The following NDOR1 variants were observed in gnomAD, a reference collection of about 807,000 sequenced individuals.
The protein encoded by NDOR1 is NADPH-dependent diflavin oxidoreductase 1.
A neutral mutation model predicts 67.2 loss-of-function variants in NDOR1; 61 were observed. The ratio of observed to expected loss-of-function variants is 0.91; its 90% CI spans 0.74 to 1.12. The LOEUF is 1.12. NDOR1 is among the 50% of genes most tolerant of loss of function. NDOR1 has a pLI of 0.00. For missense variants in NDOR1, 878 were observed against 802.8 expected (o/e 1.09, Z -1.13); for synonymous variants, 378 against 343.7 (o/e 1.10, Z -1.10).
At chr9:137,210,159 A>G (rs1225613262) in intron 2 of NDOR1, among the ~76,000 whole-genome samples, 1 of 152,230 alleles carries the variant, frequency 6.6e-6, no homozygotes, top group East Asian at 1.9e-4. Context: ...GCAGCCAAGG[A>G]TGTTACCCCC....
Position 137,215,685 on chromosome 9 carries a change from C to A in NDOR1, c.1315C>A (p.Arg439=). 6.3e-7 allele frequency: 1 copy of A among 1,576,950 alleles called. No individual in the cohort carries two copies. Among genetic ancestry groups the A allele is most frequent in the African/African-American group, 1.4e-5 (1 of 73,890 alleles). The stretch of plus-strand genomic sequence containing the variant: ...ACCTGTCCGGGTGCCCCTCTGGGTG[C>A]GGCCTGGGAGTCTGGCCTTCCCAGA... ...QGPVRVPLWV[R]PGSLAFPETP... Residue 439 remains arginine, a synonymous_variant, in exon 11 of 14, where the codon CGG becomes AGG. Transcript: ENST00000684003.
rs546115869 is a variant in NDOR1 at position 137,210,527 on chromosome 9, TG to T, written c.214-1973del. ...ACCTGGCCAGAAATAGTTCTTTAAA[TG>T]GACATGAAAAAACTTTAAAAGATTA... On this transcript the variant is annotated intron_variant, in intron 2 of 13. Coordinates refer to ENST00000684003, the MANE Select transcript of NDOR1 (RefSeq NM_014434.4). Among the ~76,000 whole-genome samples the T allele has an allele frequency of 9.3e-4, 142 of 151,996 alleles. 1 individual carries two copies. Among genetic ancestry groups the T allele is most frequent in the African/African-American group, 3.2e-3 (132 of 41,452 alleles).
Position 137,216,081 on chromosome 9 carries a change from C to T in NDOR1, c.1555-13C>T, listed in dbSNP as rs1291412976. The T allele has an allele frequency of 1.9e-6, 3 of 1,613,428 alleles. No individual in the cohort carries two copies. In the East Asian group the frequency reaches 6.7e-5, roughly 36 times the overall value. ...CTCCGGCTCAGCCCCCAGCCCTGTTCTCTGCCCTACAGGAGCAGAAAGTAT... is the reference window on the plus strand; with the variant it reads ...CTCCGGCTCAGCCCCCAGCCCTGTTTTCTGCCCTACAGGAGCAGAAAGTAT... On this transcript the variant is annotated splice_polypyrimidine_tract_variant and intron_variant, in intron 12 of 13. Coordinates refer to ENST00000684003, the MANE Select transcript of NDOR1 (RefSeq NM_014434.4).
chr9:137,213,083 G>A (rs1334819454), intron 3 of NDOR1, among the ~76,000 whole-genome samples: 1 of 152,202 alleles, frequency 6.6e-6, no homozygotes, highest in African/African-American at 2.4e-5. Context: ...TAGGGCCCAG[G>A]TCCGCTGAGC....
rs1336054398 is a variant in NDOR1 at position 137,216,513 on chromosome 9, C to G, written c.*97C>G. 1 of 1,455,472 alleles carries G rather than the reference C, an allele frequency of 6.9e-7. No homozygotes were observed. Among genetic ancestry groups the G allele is most frequent in the Non-Finnish European group, 9.1e-7 (1 of 1,095,174 alleles). 90.2% of individuals were successfully genotyped at this position (1,455,472 alleles called of 1,614,324 possible). ...TCCTGGCCAGCAGCCGTCATCCTCT[C>G]GGACCAGCCAGCTGGTCCTCTGGGA... On this transcript the variant is annotated 3_prime_UTR_variant, in exon 14 of 14. Transcript: ENST00000684003.
chr9:137,215,334 A>C, intron 9 of NDOR1, 73 bp from the exon 10 acceptor site: 1 of 1,553,138 alleles, frequency 6.4e-7, no homozygotes, highest in Middle Eastern at 1.7e-4. Context: ...TGCGGGAGGT[A>C]GGTGGGGCCC....
intron 9 of NDOR1, 56 bp downstream of exon 9, chr9:137,215,258 G>A (rs1229696987): frequency 6.4e-6 from 10 of 1,574,186 alleles, no homozygotes; most frequent in Non-Finnish European, 8.7e-6. Context: ...TGGGACCGGG[G>A]CTGTGGGGTT....
At chr9:137,209,949 TG>T (rs1835168124) in intron 2 of NDOR1, among the ~76,000 whole-genome samples, 1 of 152,172 alleles carries the variant, frequency 6.6e-6, no homozygotes, top group Non-Finnish European at 1.5e-5. Context: ...AAAAATTAGC[TG>T]GGTGTATTGG....
rs888278398 is a variant in NDOR1, at chr9:137,218,978, A to G, written c.*2562A>G. 3 of 217,836 alleles carry G rather than the reference A, an allele frequency of 1.4e-5. No individual in the cohort carries two copies. Among genetic ancestry groups the G allele is most frequent in the East Asian group, 9.5e-5 (1 of 10,526 alleles). The allele number at this position is 217,836 out of a possible 1,614,324, so 13.5% of individuals were successfully genotyped here. Reference sequence around the variant, plus strand: ...CGGCCACACTTCCCCTCCGAGGGCCAGCTGAGCACAGCAGGCATGAAAGCA... The same window carrying G: ...CGGCCACACTTCCCCTCCGAGGGCCGGCTGAGCACAGCAGGCATGAAAGCA... On this transcript the variant is annotated 3_prime_UTR_variant, in exon 14 of 14. Transcript: ENST00000684003.
chr9:137,216,803 T>G lies in NDOR1; in HGVS notation c.*387T>G. ...CCCATGAGGCTGCGCTGCACTCCTC[T>G]GCCCTGGGGCCACCTCGGCTGCTGC... On this transcript the variant is annotated 3_prime_UTR_variant, in exon 14 of 14. Coordinates refer to ENST00000684003, the MANE Select transcript of NDOR1 (RefSeq NM_014434.4). 1 of 254,698 alleles carries G rather than the reference T, an allele frequency of 3.9e-6. No individual in the cohort carries two copies. The allele number at this position is 254,698 out of a possible 1,614,324, so 15.8% of individuals were successfully genotyped here.
In NDOR1 at chr9:137,218,625, C is replaced by T. The variant is rs528975766; in HGVS notation, c.*2209C>T. Reference sequence around the variant, plus strand: ...TGAGCAGAGCCCAGGACAGCCCCGCCGCCAACAGGCCAGGGGGCCCAGACT... The same window carrying T: ...TGAGCAGAGCCCAGGACAGCCCCGCTGCCAACAGGCCAGGGGGCCCAGACT... On this transcript the variant is annotated 3_prime_UTR_variant, in exon 14 of 14. Coordinates refer to ENST00000684003, the MANE Select transcript of NDOR1 (RefSeq NM_014434.4). 1.5e-3 allele frequency: 606 copies of T among 398,608 alleles called. 1 individual carries two copies. The highest frequency in any genetic ancestry group is 2.2e-3 in the Admixed American group (51 of 22,728). 24.7% of individuals were successfully genotyped at this position (398,608 alleles called of 1,614,324 possible). A position where few individuals can be genotyped will look rare whatever the true frequency, so the allele number is the denominator to read the frequency against.
chr9:137,216,729 C>T lies in NDOR1; in HGVS notation c.*313C>T. 4.8e-6 allele frequency: 2 copies of T among 412,952 alleles called. No individual in the cohort carries two copies. The highest frequency in any genetic ancestry group is 9.0e-6 in the Non-Finnish European group (2 of 222,232). The allele number at this position is 412,952 out of a possible 1,614,324, so 25.6% of individuals were successfully genotyped here. A position where few individuals can be genotyped will look rare whatever the true frequency, so the allele number is the denominator to read the frequency against. On this transcript the variant is annotated 3_prime_UTR_variant, in exon 14 of 14. Coordinates refer to ENST00000684003, the MANE Select transcript of NDOR1 (RefSeq NM_014434.4). The stretch of plus-strand genomic sequence containing the variant: ...CCGCTCCACCTCACCGGTGCAGTGA[C>T]CCAGGACGGCATCAGCAGCCCAGTG...
chr9:137,214,041 G>T lies in NDOR1; in HGVS notation c.485G>T (p.Gly162Val), dbSNP rs1384108901. ...RVLGLYPPPP[G>V]LTEIPPGVPL... ...CTGGGGCTGTACCCGCCGCCTCCGG[G>T]CCTCACTGAGATCCCTCCCGGAGTC... The change falls in exon 5 of 14, where the codon GGC (glycine) becomes GTC (valine). Residue 162 changes from glycine to valine, a missense_variant. Gly to Val is a moderately radical substitution (Grantham distance 109, BLOSUM62 -3). Coordinates refer to ENST00000684003, the MANE Select transcript of NDOR1 (RefSeq NM_014434.4). 2.6e-6 allele frequency: 4 copies of T among 1,544,220 alleles called. No homozygotes were observed. Among genetic ancestry groups the T allele is most frequent in the South Asian group, 1.2e-5 (1 of 84,368 alleles).
In NDOR1 at chr9:137,217,542, T is replaced by A. The variant is rs1336166856; in HGVS notation, c.*1126T>A. ...TCTTGATCTGTCGTCGGCGGGTCGC[T>A]GGCACAGGACTAAACATGGCTGAGG... On this transcript the variant is annotated 3_prime_UTR_variant, in exon 14 of 14. Coordinates refer to ENST00000684003, the MANE Select transcript of NDOR1 (RefSeq NM_014434.4). 6.3e-6 allele frequency: 1 copy of A among 159,288 alleles called. No individual in the cohort carries two copies. The highest frequency in any genetic ancestry group is 1.4e-5 in the Non-Finnish European group (1 of 73,306). 9.9% of individuals were successfully genotyped at this position (159,288 alleles called of 1,614,324 possible). A position where few individuals can be genotyped will look rare whatever the true frequency, so the allele number is the denominator to read the frequency against.
At position 137,217,729 on chromosome 9, in the gene NDOR1, C is replaced by T. The variant is rs1835694992; in HGVS notation, c.*1313C>T. The T allele has an allele frequency of 2.7e-6, 1 of 367,782 alleles. No homozygotes were observed. The highest frequency in any genetic ancestry group is 2.1e-5 in the African/African-American group (1 of 47,974). 22.8% of individuals were successfully genotyped at this position (367,782 alleles called of 1,614,324 possible). A position where few individuals can be genotyped will look rare whatever the true frequency, so the allele number is the denominator to read the frequency against. ...CTGGTGGAGCCCAGACCCTGCCTTC[C>T]CTGAGGGCCGCCCCTGTCGCCGCCC... is the stretch of plus-strand genomic sequence containing the variant. On this transcript the variant is annotated 3_prime_UTR_variant, in exon 14 of 14. Transcript: ENST00000684003.
chr9:137,205,937 G>T, intron 1 of NDOR1, 25 bp downstream of exon 1: 1 of 1,564,226 alleles, frequency 6.4e-7, no homozygotes, highest in Non-Finnish European at 8.6e-7. Context: ...GGGCCTCGGC[G>T]TGGGGGACGA....
chr9:137,214,274 G>A lies in NDOR1; in HGVS notation c.583G>A (p.Ala195Thr). 6.2e-7 allele frequency: 1 copy of A among 1,613,736 alleles called. No individual in the cohort carries two copies. Among genetic ancestry groups the A allele is most frequent in the Non-Finnish European group, 8.5e-7 (1 of 1,180,016 alleles). ...CACGGGCTCTGAGGGGCAGCGGGTA[G>A]CTCACCCCGGCTCTCAGGAGCCCCC... The part of the protein sequence containing the change: ...PSTGSEGQRV[A>T]HPGSQEPPSE... The change falls in exon 6 of 14, where the codon GCT becomes ACT. Residue 195 changes from alanine to threonine, a missense_variant. Transcript: ENST00000684003.
At chr9:137,210,058 A>G (rs1166767304) in intron 2 of NDOR1, among the ~76,000 whole-genome samples, 1 of 152,118 alleles carries the variant, frequency 6.6e-6, no homozygotes, top group African/African-American at 2.4e-5. Flanking sequence ...ACACCACTGC[A>G]CTCCAGCCTG....
intron 2 of NDOR1, among the ~76,000 whole-genome samples, chr9:137,208,279 G>A (rs535429041): frequency 1.0e-4 from 15 of 150,698 alleles, no homozygotes; most frequent in Non-Finnish European, 1.6e-4. Context: ...GTGAAACCTC[G>A]TCTCTACTAA....
Sources: gnomAD v4.1 joint callset for allele counts (sites outside exome capture counted in the v4.1 genomes callset) on GRCh38, gnomAD v4.1.1 for gene constraint, MANE v1.5 for transcripts, NCBI Gene and HGNC (gene_info 2026-07-23, HGNC 2026-07-21) for gene names.